The following DIS3L2 variants were observed in gnomAD, a reference collection of about 807,000 sequenced individuals.
The protein encoded by DIS3L2 is DIS3-like exonuclease 2.
In DIS3L2, 34 loss-of-function variants were observed where a neutral mutation model predicts 97.5. The observed-to-expected ratio is 0.35, with a 90% CI of 0.27 to 0.46. The LOEUF is 0.46. Ranked by LOEUF, DIS3L2 falls within the 20% of genes least tolerant of loss-of-function variation. The pLI, the probability that DIS3L2 is intolerant of heterozygous loss-of-function variation, is 1.00. For missense variants in DIS3L2, 1,038 were observed against 1,146.0 expected (o/e 0.91, Z 1.36); for synonymous variants, 435 against 445.2 (o/e 0.98, Z 0.29).
At chr2:232,116,040 C>T (rs1391979921) in intron 6 of DIS3L2, among the ~76,000 whole-genome samples, 2 of 151,944 alleles carry the variant, frequency 1.3e-5, no homozygotes, top group Non-Finnish European at 1.5e-5. Context: ...GGCATGGTGC[C>T]GGACACTTGT....
In DIS3L2 at chr2:232,332,380, G is replaced by A. The variant is rs113723142; in HGVS notation, c.2011-1460G>A. Reference sequence around the variant, plus strand: ...CCAGGGCCCGTGTGCACAGAGTAACGGGAGCCGGCTGTCTGTCTGGCCAAG... The same window carrying A: ...CCAGGGCCCGTGTGCACAGAGTAACAGGAGCCGGCTGTCTGTCTGGCCAAG... On this transcript the variant is annotated intron_variant, in intron 16 of 20. Coordinates refer to ENST00000325385, the MANE Select transcript of DIS3L2 (RefSeq NM_152383.5). 1.0e-2 allele frequency among the ~76,000 whole-genome samples: 1,519 copies of A among 152,286 alleles called. 14 individuals are homozygous for A. The highest frequency in any genetic ancestry group is 0.034 in the African/African-American group (1,429 of 41,524).
At chr2:232,005,781 A>G (rs563723841) in intron 1 of DIS3L2, among the ~76,000 whole-genome samples, 9 of 152,170 alleles carry the variant, frequency 5.9e-5, no homozygotes, top group South Asian at 2.1e-4. Flanking sequence ...CCAACTTACT[A>G]TTTTCATCAG....
At chr2:232,148,908 A>G (rs3116177) in intron 8 of DIS3L2, among the ~76,000 whole-genome samples, 115,722 of 145,520 alleles carry the variant, frequency 0.8, 46,639 homozygotes, top group African/African-American at 0.9. Flanking sequence ...TTTCTGAGTC[A>G]GTGCTGACTA....
intron 1 of DIS3L2, among the ~76,000 whole-genome samples, chr2:231,962,604 T>G (rs1252221992): frequency 6.6e-6 from 1 of 151,976 alleles, no homozygotes; most frequent in Non-Finnish European, 1.5e-5. Flanking sequence ...CCGGCTAATT[T>G]TTTTGTATTT....
At chr2:232,008,955 A>C (rs930113064) in intron 1 of DIS3L2, among the ~76,000 whole-genome samples, 1 of 151,936 alleles carries the variant, frequency 6.6e-6, no homozygotes, top group African/African-American at 2.4e-5. Context: ...TCTACCTTCA[A>C]ATTTATTGGT....
chr2:232,316,174 G>A (rs1695270170), intron 14 of DIS3L2, among the ~76,000 whole-genome samples: 1 of 152,130 alleles, frequency 6.6e-6, no homozygotes, highest in Non-Finnish European at 1.5e-5. Flanking sequence ...CCTGGGCAGC[G>A]GCTCATCAGC....
intron 5 of DIS3L2, among the ~76,000 whole-genome samples, chr2:232,039,283 A>AT (rs1695042452): frequency 6.6e-6 from 1 of 152,176 alleles, no homozygotes; most frequent in Non-Finnish European, 1.5e-5. Flanking sequence ...AGAATCCCTG[A>AT]CGTCTAGAAT....
In DIS3L2 at chr2:232,269,951, G is replaced by A. The variant is rs542896397; in HGVS notation, c.1659+6511G>A. On this transcript the variant is annotated intron_variant, in intron 13 of 20. Transcript: ENST00000325385. The surrounding 1 kb of genome is among the most constrained non-coding windows in gnomAD (Gnocchi z 4.5). ...AATGATGAGGGCCTAACCTGAGGTA[G>A]GGACCGTGGGGTGAGAGAAGATGAT... is the stretch of plus-strand genomic sequence containing the variant. Among the ~76,000 whole-genome samples the A allele has an allele frequency of 6.6e-6, 1 of 152,328 alleles. No homozygotes were observed. Among genetic ancestry groups the A allele is most frequent in the African/African-American group, 2.4e-5 (1 of 41,562 alleles).
chr2:232,114,095 C>T (rs1697625908), intron 6 of DIS3L2, among the ~76,000 whole-genome samples: 1 of 152,170 alleles, frequency 6.6e-6, no homozygotes. Flanking sequence ...TCAGACCCAA[C>T]CAATCAGCAC....
intron 6 of DIS3L2, among the ~76,000 whole-genome samples, chr2:232,098,464 C>T (rs1177674815): frequency 6.6e-6 from 1 of 151,764 alleles, no homozygotes; most frequent in Non-Finnish European, 1.5e-5. Context: ...AACGATTATC[C>T]TGCCTCAGCT....
chr2:232,064,597 A>G (rs6712982), intron 5 of DIS3L2, among the ~76,000 whole-genome samples: 36,363 of 152,056 alleles, frequency 0.24, 7,494 homozygotes, highest in African/African-American at 0.56. Context: ...GCATATGTTT[A>G]TCTTTATACG....
chr2:231,973,984 A>G (rs1692999685), intron 1 of DIS3L2, among the ~76,000 whole-genome samples: 1 of 152,204 alleles, frequency 6.6e-6, no homozygotes, highest in African/African-American at 2.4e-5. Flanking sequence ...ACTTGCATTC[A>G]TCTCTACAGT....
intron 9 of DIS3L2, among the ~76,000 whole-genome samples, chr2:232,193,647 A>G (rs1388764781): frequency 5.3e-5 from 8 of 152,206 alleles, no homozygotes; most frequent in African/African-American, 1.9e-4. Flanking sequence ...TTGGGTATTA[A>G]TATATTCATA....
intron 10 of DIS3L2, among the ~76,000 whole-genome samples, chr2:232,231,030 A>G (rs890347792): frequency 6.6e-6 from 1 of 151,992 alleles, no homozygotes; most frequent in Non-Finnish European, 1.5e-5. Flanking sequence ...ACACCTTTTC[A>G]TTACTAATGA....
rs116312608 is a variant in DIS3L2, at chr2:232,137,559, C to T, written c.950+840C>T. On this transcript the variant is annotated intron_variant, in intron 8 of 20. Coordinates refer to ENST00000325385, the MANE Select transcript of DIS3L2 (RefSeq NM_152383.5). The stretch of plus-strand genomic sequence containing the variant: ...GTCATCTAACTTGTACAGGATGCAC[C>T]CTCCTGGGAATGTCCTATGGGTAGG... Among the ~76,000 whole-genome samples the T allele has an allele frequency of 4.0e-3, 615 of 152,250 alleles. 5 individuals carry two copies. Among genetic ancestry groups the T allele is most frequent in the African/African-American group, 0.014 (578 of 41,550 alleles).
At chr2:232,029,689 A>G (rs1402082607) in intron 4 of DIS3L2, among the ~76,000 whole-genome samples, 1 of 151,724 alleles carries the variant, frequency 6.6e-6, no homozygotes, top group Non-Finnish European at 1.5e-5. Context: ...TTCCTCCTAG[A>G]GAGTCCAAAT....
rs778983379 is a variant in DIS3L2, at chr2:232,306,547, A to T, written c.1739+6428A>T. 7.5e-4 allele frequency among the ~76,000 whole-genome samples: 114 copies of T among 152,244 alleles called. 1 individual carries two copies. The highest frequency in any genetic ancestry group is 1.3e-3 in the Non-Finnish European group (86 of 68,024). On this transcript the variant is annotated intron_variant, in intron 14 of 20. Transcript: ENST00000325385. ...TTAAATTATTATTTTGGTATATTTT[A>T]TCTATTAGTTCTCTGTGTTTGTGTT...
intron 5 of DIS3L2, among the ~76,000 whole-genome samples, chr2:232,072,058 G>A (rs1019521442): frequency 5.9e-5 from 9 of 152,134 alleles, no homozygotes; most frequent in Non-Finnish European, 2.9e-5. Flanking sequence ...TTTTCAGCTT[G>A]AGTGGCCTGG....
At chr2:232,040,404 C>G (rs1695077628) in intron 5 of DIS3L2, among the ~76,000 whole-genome samples, 1 of 152,134 alleles carries the variant, frequency 6.6e-6, no homozygotes, top group East Asian at 1.9e-4. Context: ...GACCATGGCA[C>G]CCTTTTACAG....
Sources: gnomAD v4.1 joint callset for allele counts (sites outside exome capture counted in the v4.1 genomes callset) on GRCh38, gnomAD v4.1.1 for gene constraint, Gnocchi (gnomAD v3.1) non-coding constraint, MANE v1.5 for transcripts, NCBI Gene and HGNC (gene_info 2026-07-23, HGNC 2026-07-21) for gene names.